Variants in SLC9A7 observed in about 807,000 individuals in gnomAD.
The protein encoded by SLC9A7 is solute carrier family 9 member A7, also known as sodium/hydrogen exchanger 7.
A neutral mutation model predicts 52.6 loss-of-function variants in SLC9A7; 19 were observed. The observed-to-expected ratio is 0.36, with a 90% confidence interval of 0.25 to 0.53. SLC9A7 has a LOEUF of 0.53. Among genes scored for constraint, SLC9A7 ranks in the 20% least tolerant of loss-of-function variants. The pLI, the probability that SLC9A7 is intolerant of heterozygous loss-of-function variation, is 0.91. For synonymous variants in SLC9A7, 226 were observed against 252.1 expected (o/e 0.90, Z 0.98); for missense variants, 455 against 597.9 (o/e 0.76, Z 2.49).
chrX:46,636,714 A>G (rs1015019016), intron 12 of SLC9A7, among the ~76,000 whole-genome samples: 2 of 111,387 alleles, frequency 1.8e-5, no homozygotes, highest in African/African-American at 6.5e-5. Flanking sequence ...AGAGATGCAT[A>G]GCAGATCTGT....
Position 46,608,167 on chromosome X carries a change from C to T in SLC9A7, c.1930-964G>A, listed in dbSNP as rs1942784593. ...GCAGATTCCCCGAGATCAGCCCCAT[C>T]TAGATGACAAACGCCAAAGGGCAGT... On this transcript the variant is annotated intron_variant, in intron 16 of 16. Transcript: ENST00000616978. 2.7e-5 allele frequency among the ~76,000 whole-genome samples: 3 copies of T among 112,613 alleles called. No individual in the cohort carries two copies. The South Asian group carries it at 1.1e-3, about 41-fold the overall frequency.
rs150704883 is a variant in SLC9A7, at chrX:46,649,320, T to C, written c.1351-523A>G. ...AAGTAAACATCAGAGACTTTAATGGTCAGGAAGAGCCTGCAAATAAGAGGT... is the reference window on the plus strand; with the variant it reads ...AAGTAAACATCAGAGACTTTAATGGCCAGGAAGAGCCTGCAAATAAGAGGT... On this transcript the variant is annotated intron_variant, in intron 10 of 16. Coordinates refer to ENST00000616978, the MANE Select transcript of SLC9A7 (RefSeq NM_001257291.2). Among the ~76,000 whole-genome samples the C allele has an allele frequency of 8.4e-3, 946 of 112,175 alleles. 6 individuals carry two copies. The highest frequency in any genetic ancestry group is 0.029 in the African/African-American group (903 of 30,843).
At chrX:46,644,725 C>A (rs1004628871) in intron 11 of SLC9A7, among the ~76,000 whole-genome samples, 1 of 110,987 alleles carries the variant, frequency 9.0e-6, no homozygotes, top group African/African-American at 3.3e-5. Context: ...GTATAACATG[C>A]GAGAGAATGA....
intron 3 of SLC9A7, among the ~76,000 whole-genome samples, chrX:46,672,959 C>T (rs1183588085): frequency 2.7e-5 from 3 of 111,953 alleles, no homozygotes; most frequent in Non-Finnish European, 5.6e-5. Context: ...ACAGATTTAA[C>T]CCAAACCATT....
At chrX:46,726,674 G>A (rs1200217877) in intron 1 of SLC9A7, among the ~76,000 whole-genome samples, 1 of 111,603 alleles carries the variant, frequency 9.0e-6, no homozygotes, top group African/African-American at 3.3e-5. Flanking sequence ...ACACACACTG[G>A]TTTCCATTTA....
At chrX:46,653,328 G>C (rs1033299884) in intron 8 of SLC9A7, among the ~76,000 whole-genome samples, 8 of 111,656 alleles carry the variant, frequency 7.2e-5, no homozygotes, top group Non-Finnish European at 1.3e-4. Context: ...CTAGGAGTTC[G>C]AGGTTACAGT....
At chrX:46,740,194 A>G (rs1921238467) in intron 1 of SLC9A7, among the ~76,000 whole-genome samples, 1 of 112,038 alleles carries the variant, frequency 8.9e-6, no homozygotes, top group Admixed American at 9.5e-5. Flanking sequence ...CAATAACAAG[A>G]AAGATCAAAA....
At chrX:46,660,552 T>C (rs1190868536) in intron 7 of SLC9A7, among the ~76,000 whole-genome samples, 13 of 110,321 alleles carry the variant, frequency 1.2e-4, no homozygotes, top group African/African-American at 4.3e-4. Context: ...CATCAAAAAG[T>C]GGGTGAAGGA....
At chrX:46,709,609 A>G (rs888646865) in intron 1 of SLC9A7, among the ~76,000 whole-genome samples, 2 of 111,270 alleles carry the variant, frequency 1.8e-5, no homozygotes, top group African/African-American at 6.5e-5. Context: ...AATAACAACA[A>G]CAACAAAAAA....
At chrX:46,687,458 T>C (rs1446604460) in intron 1 of SLC9A7, among the ~76,000 whole-genome samples, 1 of 112,118 alleles carries the variant, frequency 8.9e-6, no homozygotes, top group Non-Finnish European at 1.9e-5. Context: ...GTGATAACTA[T>C]TTCTAATTCA....
At chrX:46,667,535 C>A (rs1943941514) in intron 5 of SLC9A7, among the ~76,000 whole-genome samples, 1 of 111,364 alleles carries the variant, frequency 9.0e-6, no homozygotes, top group Non-Finnish European at 1.9e-5. Context: ...TATTGCATTA[C>A]CCTACATTTC....
At chrX:46,742,275 T>C (rs919439577) in intron 1 of SLC9A7, among the ~76,000 whole-genome samples, 1 of 110,989 alleles carries the variant, frequency 9.0e-6, no homozygotes, top group Non-Finnish European at 1.9e-5. Context: ...GTATTTACCA[T>C]AGAAAAATAA....
intron 10 of SLC9A7, 53 bp downstream of exon 10, chrX:46,651,057 T>C: frequency 1.4e-6 from 1 of 706,569 alleles, no homozygotes; most frequent in Non-Finnish European, 2.2e-6. Flanking sequence ...CTATAGCTTC[T>C]CCAACAGTGG....
intron 6 of SLC9A7, 45 bp downstream of exon 6, chrX:46,662,493 A>G (rs1292522968): frequency 9.1e-6 from 9 of 986,494 alleles, no homozygotes; most frequent in African/African-American, 1.9e-5. Flanking sequence ...CAAAGCATAG[A>G]GGAAACTGGG....
chrX:46,682,528 G>A lies in SLC9A7; in HGVS notation c.333C>T (p.Ile111=), dbSNP rs1341586598. The A allele has an allele frequency of 3.3e-6, 4 of 1,205,886 alleles. No individual in the cohort carries two copies. Among genetic ancestry groups the A allele is most frequent in the East Asian group, 3.0e-5 (1 of 33,696 alleles). ...ETGLAMIYGL[I]VGVILRYGTP... is the part of the protein sequence containing the mutation. ...TACCATACCTCAGGATCACCCCAAC[G>A]ATGAGCCCTGAAAGAGTGGAAAAAA... Residue 111 remains isoleucine (I), a synonymous_variant, in exon 2 of 17, where the codon ATC becomes ATT. Coordinates refer to ENST00000616978, the MANE Select transcript of SLC9A7 (RefSeq NM_001257291.2).
intron 1 of SLC9A7, chrX:46,725,075 T>C: frequency 3.9e-6 from 2 of 515,401 alleles, no homozygotes; most frequent in Non-Finnish European, 7.0e-6. Flanking sequence ...ATCTGTTACG[T>C]TAATTTGGAA....
At chrX:46,656,130 C>A (rs1369940771) in intron 7 of SLC9A7, among the ~76,000 whole-genome samples, 19 of 111,002 alleles carry the variant, frequency 1.7e-4, no homozygotes, top group East Asian at 2.8e-4. Flanking sequence ...CTCACACGGC[C>A]GGTTACTCCA....
chrX:46,612,290 C>T (rs950989452), intron 16 of SLC9A7, among the ~76,000 whole-genome samples: 7 of 111,299 alleles, frequency 6.3e-5, no homozygotes, highest in African/African-American at 9.8e-5. Flanking sequence ...TTAGGATGGC[C>T]GAAGAGGGAT....
At chrX:46,744,194 G>A (rs1448307378) in intron 1 of SLC9A7, among the ~76,000 whole-genome samples, 1 of 112,251 alleles carries the variant, frequency 8.9e-6, no homozygotes, top group Non-Finnish European at 1.9e-5. Flanking sequence ...AGAGGGGCAC[G>A]CCCCTTTCCT....
Sources: allele counts gnomAD v4.1 joint callset (sites outside exome capture counted in the v4.1 genomes callset), GRCh38; gene constraint gnomAD v4.1.1; transcripts MANE v1.5; gene names NCBI Gene and HGNC (gene_info 2026-07-23, HGNC 2026-07-21).